PYGO1: variants seen among roughly 807,000 people sequenced by gnomAD.
PYGO1 encodes pygopus homolog 1.
A neutral mutation model predicts 29.5 loss-of-function variants in PYGO1; 6 were observed. The observed-to-expected ratio is 0.20, with a 90% CI of 0.11 to 0.40. The LOEUF is 0.40. Among genes scored for constraint, PYGO1 ranks in the 10% least tolerant of loss-of-function variants. PYGO1 has a pLI of 1.00. For synonymous variants in PYGO1, 186 were observed against 180.5 expected (o/e 1.03, Z -0.24); for missense variants, 515 against 514.9 (o/e 1.00, Z 0.00).
In PYGO1 at chr15:55,546,453, T is replaced by C. The variant is rs1200151670; in HGVS notation, c.830A>G (p.Asn277Ser). Residue 277 changes from asparagine (N) to serine (S), a missense_variant, in exon 3 of 3, where the codon AAT (asparagine) becomes AGT (serine). Coordinates refer to ENST00000563719, the MANE Select transcript of PYGO1 (RefSeq NM_001367806.1). Reference protein sequence around the residue: ...NQSNIELKNVNRNNAVNQENS... With the variant: ...NQSNIELKNVSRNNAVNQENS... The stretch of plus-strand genomic sequence containing the variant: ...CTCCTGATTTACTGCATTGTTTCGA[T>C]TAACATTTTTTAATTCAATATTACT... 7 of 1,614,212 alleles carry C rather than the reference T, an allele frequency of 4.3e-6. No homozygotes were observed. The Middle Eastern group carries it at 4.9e-4, about 114-fold the overall frequency.
intron 1 of PYGO1, among the ~76,000 whole-genome samples, chr15:55,555,704 T>C (rs1305835418): frequency 6.6e-6 from 1 of 151,328 alleles, no homozygotes; most frequent in Non-Finnish European, 1.5e-5. Context: ...GTAAATGGAG[T>C]AAATGGCCCA....
chr15:55,546,276 G>T lies in PYGO1; in HGVS notation c.1007C>A (p.Ser336Tyr), dbSNP rs754334597. The T allele has an allele frequency of 1.2e-5, 20 of 1,614,120 alleles. No individual in the cohort carries two copies. In the Admixed American group the frequency reaches 2.7e-4, roughly 22 times the overall value. ...SLHPNRHGHS[S>Y]SDPVYPCGIC... ...TCCACAAGGATACACTGGGTCAGAA[G>T]ACGAATGGCCATGACGGTTTGGGTG... The change falls in exon 3 of 3, where the codon TCT becomes TAT. Residue 336 changes from serine (S) to tyrosine (Y), a missense_variant. Ser to Tyr is a moderately radical substitution (Grantham distance 144, BLOSUM62 -2). Transcript: ENST00000563719.
At chr15:55,560,209 A>C (rs1024953107) in intron 1 of PYGO1, among the ~76,000 whole-genome samples, 2 of 152,132 alleles carry the variant, frequency 1.3e-5, no homozygotes, top group Non-Finnish European at 2.9e-5. Flanking sequence ...GAAAGAAATA[A>C]AGTGTATTCA....
chr15:55,588,962 G>A (rs2059062943), upstream of PYGO1: 1 of 953,064 alleles, frequency 1.0e-6, no homozygotes, highest in East Asian at 2.6e-5. Flanking sequence ...AAGAAAGAGC[G>A]ACGTAGAATA....
At chr15:55,581,729 A>T (rs1011859878) in intron 1 of PYGO1, among the ~76,000 whole-genome samples, 2 of 152,192 alleles carry the variant, frequency 1.3e-5, no homozygotes, top group Admixed American at 6.5e-5. Flanking sequence ...AGATCCATTT[A>T]AAACACTCAG....
intron 1 of PYGO1, among the ~76,000 whole-genome samples, chr15:55,559,830 T>A (rs1469960200): frequency 6.6e-6 from 1 of 152,092 alleles, no homozygotes; most frequent in African/African-American, 2.4e-5. Flanking sequence ...CATCAAAAAG[T>A]TTACGCACCA....
At chr15:55,575,496 ACAAAG>A (rs1322382702) in intron 1 of PYGO1, among the ~76,000 whole-genome samples, 1 of 134,614 alleles carries the variant, frequency 7.4e-6, no homozygotes, top group Non-Finnish European at 1.7e-5. Context: ...GCATACAAAT[ACAAAG>A]AAAAAAATCA....
intron 1 of PYGO1, among the ~76,000 whole-genome samples, chr15:55,587,479 C>T (rs1167298677): frequency 6.6e-6 from 1 of 151,614 alleles, no homozygotes; most frequent in Non-Finnish European, 1.5e-5. Flanking sequence ...AGGGGGTGGG[C>T]ACCGTTCGAG....
intron 2 of PYGO1, 112 bp from the exon 3 acceptor site, chr15:55,547,259 G>T: frequency 1.1e-6 from 1 of 882,388 alleles, no homozygotes; most frequent in Non-Finnish European, 1.6e-6. Flanking sequence ...CTCTTGCAGT[G>T]TTAACAAACA....
chr15:55,556,350 T>G (rs193227313), intron 1 of PYGO1, among the ~76,000 whole-genome samples: 61 of 152,250 alleles, frequency 4.0e-4, no homozygotes, highest in Non-Finnish European at 7.5e-4. Context: ...AGAAATTCAC[T>G]GAAAACCATA....
At chr15:55,562,649 T>C (rs568911512) in intron 1 of PYGO1, among the ~76,000 whole-genome samples, 22 of 145,630 alleles carry the variant, frequency 1.5e-4, no homozygotes, top group African/African-American at 5.4e-4. Context: ...CCAGCCTGGG[T>C]GACAGAGCAA....
intron 1 of PYGO1, among the ~76,000 whole-genome samples, chr15:55,554,468 CA>C (rs56216226): frequency 2.0e-3 from 245 of 122,790 alleles, no homozygotes; most frequent in African/African-American, 7.6e-3. Context: ...GACTCTGTCT[CA>C]AAAAAAAAAA....
rs1346086269 is a variant in PYGO1, at chr15:55,542,423, T to A, written c.*3600A>T. On this transcript the variant is annotated 3_prime_UTR_variant, in exon 3 of 3. Transcript: ENST00000563719. ...TATGTATATAACCTTCTAATTTGAA[T>A]AACAATTATAGCAGTACTCTAAAGT... is the stretch of plus-strand genomic sequence containing the variant. The A allele has an allele frequency of 6.6e-6, 1 of 152,220 alleles. No individual in the cohort carries two copies. Among genetic ancestry groups the A allele is most frequent in the Non-Finnish European group, 1.5e-5 (1 of 68,032 alleles). 9.4% of individuals were successfully genotyped at this position (152,220 alleles called of 1,614,324 possible). A position where few individuals can be genotyped will look rare whatever the true frequency, so the allele number is the denominator to read the frequency against.
intron 1 of PYGO1, among the ~76,000 whole-genome samples, chr15:55,553,612 T>G (rs751185734): frequency 1.8e-4 from 28 of 152,264 alleles, no homozygotes; most frequent in Non-Finnish European, 3.1e-4. Context: ...GGTTTCGCCA[T>G]GTTGGCCAGG....
intron 1 of PYGO1, among the ~76,000 whole-genome samples, chr15:55,571,988 G>A (rs754644028): frequency 6.6e-6 from 1 of 152,054 alleles, no homozygotes; most frequent in African/African-American, 2.4e-5. Flanking sequence ...TCCCTCAATA[G>A]GGTTTTTAGG....
intron 1 of PYGO1, among the ~76,000 whole-genome samples, chr15:55,576,992 G>A (rs943863984): frequency 7.6e-5 from 10 of 131,420 alleles, no homozygotes; most frequent in African/African-American, 1.8e-4. Context: ...TCCTAAATAA[G>A]ATAGCAACAA....
At chr15:55,575,571 A>T (rs1406614898) in intron 1 of PYGO1, among the ~76,000 whole-genome samples, 1 of 152,154 alleles carries the variant, frequency 6.6e-6, no homozygotes, top group Non-Finnish European at 1.5e-5. Context: ...TATGCCAACA[A>T]GGTGTGCTAG....
rs993136178 is a variant in PYGO1, at chr15:55,539,500, A to T, written c.*6523T>A. 6.6e-6 allele frequency: 1 copy of T among 152,128 alleles called. No individual in the cohort carries two copies. The highest frequency in any genetic ancestry group is 2.4e-5 in the African/African-American group (1 of 41,458). The allele number at this position is 152,128 out of a possible 1,614,324, so 9.4% of individuals were successfully genotyped here. A position where few individuals can be genotyped will look rare whatever the true frequency, so the allele number is the denominator to read the frequency against. ...CATACTTTATTTAAATTTTTCCACA[A>T]AGCAGTTCATGAATTAATAATACTT... On this transcript the variant is annotated 3_prime_UTR_variant, in exon 3 of 3. Transcript: ENST00000563719.
Position 55,546,886 on chromosome 15 carries a change from G to A in PYGO1, c.397C>T (p.Gln133Ter). 6.2e-7 allele frequency: 1 copy of A among 1,614,156 alleles called. No individual in the cohort carries two copies. Among genetic ancestry groups the A allele is most frequent in the Admixed American group, 1.7e-5 (1 of 60,000 alleles). ...TTAAAACCCATGCCCAGAGGATTCT[G>A]AGGAAATGGGTGTGGCTGGTTCCTG... is the stretch of plus-strand genomic sequence containing the variant. ...SLRNQPHPFPQNPLGMGFNRP... is the reference protein window; with the variant it reads ...SLRNQPHPFP The change falls in exon 3 of 3, where the codon CAG (glutamine) becomes TAG (stop). Residue 133 changes from glutamine to a stop codon, truncating the protein, a stop_gained. Coordinates refer to ENST00000563719, the MANE Select transcript of PYGO1 (RefSeq NM_001367806.1). LOFTEE classifies it high-confidence loss of function.
Sources: gnomAD v4.1 joint callset for allele counts (sites outside exome capture counted in the v4.1 genomes callset) on GRCh38, gnomAD v4.1.1 for gene constraint, MANE v1.5 for transcripts, NCBI Gene and HGNC (gene_info 2026-07-23, HGNC 2026-07-21) for gene names.